Variants in IL2RA observed in about 807,000 individuals in gnomAD.
IL2RA encodes interleukin-2 receptor subunit alpha.
A neutral mutation model predicts 37.8 loss-of-function variants in IL2RA; 24 were observed. That is an observed-to-expected ratio of 0.63 (90% CI 0.46 to 0.89). IL2RA has a LOEUF of 0.89. Among genes scored for constraint, IL2RA ranks in the 40% least tolerant of loss-of-function variants. IL2RA has a pLI of 0.00. For missense variants in IL2RA, 319 were observed against 348.6 expected (o/e 0.92, Z 0.68); for synonymous variants, 125 against 114.6 (o/e 1.09, Z -0.58).
chr10:6,021,696 G>C lies in IL2RA; in HGVS notation c.368-3C>G. The C allele has an allele frequency of 6.2e-7, 1 of 1,613,878 alleles. No homozygotes were observed. The highest frequency in any genetic ancestry group is 8.5e-7 in the Non-Finnish European group (1 of 1,179,840). ...TGGTGGAGGTTCCCTGCAGTGACCTGGAAGATGGAAGGAATGCTCTGAAGG... is the reference window on the plus strand; with the variant it reads ...TGGTGGAGGTTCCCTGCAGTGACCTCGAAGATGGAAGGAATGCTCTGAAGG... On this transcript the variant is annotated splice_polypyrimidine_tract_variant and splice_region_variant and intron_variant, in intron 3 of 7. Transcript: ENST00000379959. The surrounding 1 kb of genome is among the most constrained non-coding windows in gnomAD (Gnocchi z 4.9).
At position 6,048,702 on chromosome 10, in the gene IL2RA, T is replaced by G. The variant is rs913185743; in HGVS notation, c.64+13386A>C. 6.6e-6 allele frequency among the ~76,000 whole-genome samples: 1 copy of G among 152,238 alleles called. No individual in the cohort carries two copies. The highest frequency in any genetic ancestry group is 1.5e-5 in the Non-Finnish European group (1 of 68,042). ...TTTGCCTTTCTGCTTCCCTTCATTC[T>G]TCACATAAACCCAGTGCTTTCTCTT... On this transcript the variant is annotated intron_variant, in intron 1 of 7. Transcript: ENST00000379959. The surrounding 1 kb of genome is among the most constrained non-coding windows in gnomAD (Gnocchi z 5.3).
At chr10:6,034,992 T>G (rs935610705) in intron 1 of IL2RA, among the ~76,000 whole-genome samples, 1 of 152,212 alleles carries the variant, frequency 6.6e-6, no homozygotes, top group Non-Finnish European at 1.5e-5. Context: ...CTGGTGCCTA[T>G]GGACTGTGGG....
Position 6,057,738 on chromosome 10 carries a change from A to C in IL2RA, c.64+4350T>G, listed in dbSNP as rs1840068387. ...AGTTTCTGCTCATCCTTGGGCAAGA[A>C]GAGGAGCAGGGAAGGGTGGGAACAG... On this transcript the variant is annotated intron_variant, in intron 1 of 7. Coordinates refer to ENST00000379959, the MANE Select transcript of IL2RA (RefSeq NM_000417.3). The surrounding 1 kb of genome is among the most constrained non-coding windows in gnomAD (Gnocchi z 4.8). Among the ~76,000 whole-genome samples, 3 of 152,208 alleles carry C rather than the reference A, an allele frequency of 2.0e-5. No homozygotes were observed. The South Asian group carries it at 6.2e-4, about 31-fold the overall frequency.
chr10:6,062,112 T>G lies in IL2RA; in HGVS notation c.40A>C (p.Ile14Leu), dbSNP rs781222262. The change falls in exon 1 of 8, where the codon ATC becomes CTC. Residue 14 changes from isoleucine to leucine, a missense_variant. By Grantham distance (5) the Ile-to-Leu change is conservative (BLOSUM62 2). Transcript: ENST00000379959. ...YLLMWGLLTF[I>L]MVPGCQAELC... ...CCTGCCTGGCAGCCAGGCACCATGA[T>G]GAACGTGAGCAGTCCCCACATCAGC... is the stretch of plus-strand genomic sequence containing the variant. The G allele has an allele frequency of 6.2e-7, 1 of 1,614,030 alleles. No individual in the cohort carries two copies. The highest frequency in any genetic ancestry group is 8.5e-7 in the Non-Finnish European group (1 of 1,179,912).
intron 3 of IL2RA, 99 bp downstream of exon 3, chr10:6,024,145 G>T: frequency 1.3e-6 from 1 of 797,100 alleles, no homozygotes; most frequent in East Asian, 2.5e-5. Flanking sequence ...TGTGTTTATA[G>T]AAGGCAGGGC....
Position 6,058,508 on chromosome 10 carries a change from C to T in IL2RA, c.64+3580G>A, listed in dbSNP as rs12722492. On this transcript the variant is annotated intron_variant, in intron 1 of 7. Coordinates refer to ENST00000379959, the MANE Select transcript of IL2RA (RefSeq NM_000417.3). This position sits in a 1 kb window ranked among gnomAD's most constrained non-coding sequence, Gnocchi z 4.2. Reference sequence around the variant, plus strand: ...TTGAAGATGAATGAAGTAACAGTAGCAATAATACTTTGGGATCTCAAGAAG... The same window carrying T: ...TTGAAGATGAATGAAGTAACAGTAGTAATAATACTTTGGGATCTCAAGAAG... Among the ~76,000 whole-genome samples, 6,759 of 152,182 alleles carry T rather than the reference C, an allele frequency of 0.044. 296 individuals carry two copies. Among genetic ancestry groups the T allele is most frequent in the Admixed American group, 0.14 (2,154 of 15,292 alleles).
Position 6,014,583 on chromosome 10 carries a change from A to G in IL2RA, c.795-1687T>C, listed in dbSNP as rs1405145880. Reference sequence around the variant, plus strand: ...TGATCTTCAAACTAACAAATGAAAAAAATCCTTGCAAGGTGTTAAGGCTTG... The same window carrying G: ...TGATCTTCAAACTAACAAATGAAAAGAATCCTTGCAAGGTGTTAAGGCTTG... On this transcript the variant is annotated intron_variant, in intron 7 of 7. Transcript: ENST00000379959. This position sits in a 1 kb window ranked among gnomAD's most constrained non-coding sequence, Gnocchi z 4.4. Among the ~76,000 whole-genome samples the G allele has an allele frequency of 1.3e-5, 2 of 152,208 alleles. No individual in the cohort carries two copies. The highest frequency in any genetic ancestry group is 1.3e-4 in the Admixed American group (2 of 15,282).
In IL2RA at chr10:6,018,074, C is replaced by G; in HGVS notation, c.773G>C (p.Gly258Ala). 1 of 1,613,948 alleles carries G rather than the reference C, an allele frequency of 6.2e-7. No individual in the cohort carries two copies. Among genetic ancestry groups the G allele is most frequent in the Non-Finnish European group, 8.5e-7 (1 of 1,179,920 alleles). Reference sequence around the variant, plus strand: ...TTACTGTCTCCGCTGCCAGGTGAGCCCACTCAGGAGGAGGACGCTGATCAG... The same window carrying G: ...TTACTGTCTCCGCTGCCAGGTGAGCGCACTCAGGAGGAGGACGCTGATCAG... ...FLLISVLLLS[G>A]LTWQRRQRKS... The change falls in exon 7 of 8, where the codon GGG (glycine) becomes GCG (alanine). Residue 258 changes from glycine (G) to alanine (A), a missense_variant. By Grantham distance (60) the Gly-to-Ala change is moderately conservative (BLOSUM62 0). Coordinates refer to ENST00000379959, the MANE Select transcript of IL2RA (RefSeq NM_000417.3). This position sits in a 1 kb window ranked among gnomAD's most constrained non-coding sequence, Gnocchi z 5.1.
In IL2RA at chr10:6,011,909, T is replaced by C. The variant is rs527589024; in HGVS notation, c.*963A>G. The C allele has an allele frequency of 6.6e-6, 1 of 152,522 alleles. No individual in the cohort carries two copies. The highest frequency in any genetic ancestry group is 1.5e-5 in the Non-Finnish European group (1 of 68,058). The allele number at this position is 152,522 out of a possible 1,614,324, so 9.4% of individuals were successfully genotyped here. On this transcript the variant is annotated 3_prime_UTR_variant, in exon 8 of 8. Transcript: ENST00000379959. This position sits in a 1 kb window ranked among gnomAD's most constrained non-coding sequence, Gnocchi z 5.2. ...CATCCCTTCTCCCTCTTCACTTCCT[T>C]CTTTCTTTCCTTCCTTGCATAAACA...
rs938725557 is a variant in IL2RA, at chr10:6,015,013, A to G, written c.795-2117T>C. Among the ~76,000 whole-genome samples the G allele has an allele frequency of 6.6e-6, 1 of 152,122 alleles. No homozygotes were observed. The highest frequency in any genetic ancestry group is 2.4e-5 in the African/African-American group (1 of 41,440). The stretch of plus-strand genomic sequence containing the variant: ...GCCAGAGTGGATGCTGGCAGGGGTC[A>G]GGGAGGCCCTGGATAATCAAGAGAG... On this transcript the variant is annotated intron_variant, in intron 7 of 7. Coordinates refer to ENST00000379959, the MANE Select transcript of IL2RA (RefSeq NM_000417.3). The surrounding 1 kb of genome is among the most constrained non-coding windows in gnomAD (Gnocchi z 4.9).
intron 1 of IL2RA, among the ~76,000 whole-genome samples, chr10:6,034,381 AGT>A (rs2132872174): frequency 1.3e-5 from 2 of 152,266 alleles, no homozygotes; most frequent in South Asian, 2.1e-4. Flanking sequence ...GAGGTAGAAG[AGT>A]GTGTGGAAAG....
chr10:6,024,320 T>G lies in IL2RA; in HGVS notation c.291A>C (p.Gln97His). 6.2e-7 allele frequency: 1 copy of G among 1,614,140 alleles called. No individual in the cohort carries two copies. Among genetic ancestry groups the G allele is most frequent in the East Asian group, 2.2e-5 (1 of 44,888 alleles). ...TRNTTKQVTP[Q>H]PEEQKERKTT... The stretch of plus-strand genomic sequence containing the variant: ...TTTTCCTTTCTTTCTGTTCTTCAGG[T>G]TGAGGTGTCACTTGTTTCGTTGTGT... Residue 97 changes from glutamine to histidine, a missense_variant, in exon 3 of 8, where the codon CAA (glutamine) becomes CAC (histidine). Gln to His is a conservative substitution (Grantham distance 24, BLOSUM62 0). Coordinates refer to ENST00000379959, the MANE Select transcript of IL2RA (RefSeq NM_000417.3).
intron 1 of IL2RA, among the ~76,000 whole-genome samples, chr10:6,049,292 CCTT>C (rs1330902655): frequency 6.6e-6 from 1 of 152,212 alleles, no homozygotes; most frequent in Admixed American, 6.5e-5. Context: ...CCTTCCTCTG[CCTT>C]CTTGTTCTAT....
Position 6,054,412 on chromosome 10 carries a change from C to T in IL2RA, c.64+7676G>A, listed in dbSNP as rs189128637. Among the ~76,000 whole-genome samples, 2 of 152,192 alleles carry T rather than the reference C, an allele frequency of 1.3e-5. No homozygotes were observed. Among genetic ancestry groups the T allele is most frequent in the East Asian group, 3.9e-4 (2 of 5,182 alleles). ...GACCCATTGAACCGAGGACGTCTAC[C>T]GGGGACCAATGACACCTGTAGACAC... On this transcript the variant is annotated intron_variant, in intron 1 of 7. Transcript: ENST00000379959. The surrounding 1 kb of genome is among the most constrained non-coding windows in gnomAD (Gnocchi z 4.5).
In IL2RA at chr10:6,035,506, A is replaced by C. The variant is rs751945988; in HGVS notation, c.65-9481T>G. ...TTTGTTCCTGAGTGGTGGGCCGCACATGAGGCTCTGAGCAGGCTATATCTC... is the reference window on the plus strand; with the variant it reads ...TTTGTTCCTGAGTGGTGGGCCGCACCTGAGGCTCTGAGCAGGCTATATCTC... On this transcript the variant is annotated intron_variant, in intron 1 of 7. Coordinates refer to ENST00000379959, the MANE Select transcript of IL2RA (RefSeq NM_000417.3). The surrounding 1 kb of genome is among the most constrained non-coding windows in gnomAD (Gnocchi z 5.4). Among the ~76,000 whole-genome samples, 1 of 152,200 alleles carries C rather than the reference A, an allele frequency of 6.6e-6. No homozygotes were observed. The highest frequency in any genetic ancestry group is 2.4e-5 in the African/African-American group (1 of 41,448).
intron 4 of IL2RA, 50 bp from the exon 5 acceptor site, chr10:6,019,991 G>C: frequency 6.7e-7 from 1 of 1,493,532 alleles, no homozygotes; most frequent in Admixed American, 1.7e-5. Context: ...AGGAGTCAGG[G>C]CCTCACTCCC....
chr10:6,037,316 C>A (rs1839703512), intron 1 of IL2RA, among the ~76,000 whole-genome samples: 1 of 152,066 alleles, frequency 6.6e-6, no homozygotes, highest in Non-Finnish European at 1.5e-5. Context: ...CCCATGTGAG[C>A]AACATGAAAG....
intron 1 of IL2RA, among the ~76,000 whole-genome samples, chr10:6,038,182 A>G (rs889240871): frequency 2.6e-5 from 4 of 152,182 alleles, no homozygotes; most frequent in Non-Finnish European, 5.9e-5. Context: ...CCTGACTCCT[A>G]GTTCAGTGCT....
chr10:6,057,959 C>G lies in IL2RA; in HGVS notation c.64+4129G>C, dbSNP rs570952942. ...TGGCCAACTTGGTGAAACCCCGTCT[C>G]TACTAAAAATACAAAAATTAGCCAG... On this transcript the variant is annotated intron_variant, in intron 1 of 7. Coordinates refer to ENST00000379959, the MANE Select transcript of IL2RA (RefSeq NM_000417.3). The surrounding 1 kb of genome is among the most constrained non-coding windows in gnomAD (Gnocchi z 4.8). Among the ~76,000 whole-genome samples the G allele has an allele frequency of 1.2e-4, 18 of 152,260 alleles. No homozygotes were observed. The East Asian group carries it at 3.1e-3, about 26-fold the overall frequency.
Sources: allele counts gnomAD v4.1 joint callset (sites outside exome capture counted in the v4.1 genomes callset), GRCh38; gene constraint gnomAD v4.1.1; non-coding constraint Gnocchi (gnomAD v3.1); transcripts MANE v1.5; gene names NCBI Gene and HGNC (gene_info 2026-07-23, HGNC 2026-07-21).